The following NEDD4L variants were observed in gnomAD, a reference collection of about 807,000 sequenced individuals.
The protein encoded by NEDD4L is NEDD4 like E3 ubiquitin protein ligase.
A neutral mutation model predicts 148.9 loss-of-function variants in NEDD4L; 54 were observed. The observed-to-expected ratio is 0.36, with a 90% CI of 0.29 to 0.45. The LOEUF is 0.45. NEDD4L is among the 20% of genes least tolerant of loss of function. The pLI is 1.00. For synonymous variants in NEDD4L, 433 were observed against 440.7 expected (o/e 0.98, Z 0.22); for missense variants, 856 against 1,233.8 (o/e 0.69, Z 4.59).
chr18:58,368,592 A>G (rs2046412249), intron 22 of NEDD4L, among the ~76,000 whole-genome samples: 1 of 152,248 alleles, frequency 6.6e-6, no homozygotes, highest in Non-Finnish European at 1.5e-5. Flanking sequence ...TGAGATTGAC[A>G]TTGCAGTAAC....
intron 5 of NEDD4L, among the ~76,000 whole-genome samples, chr18:58,291,971 C>T (rs147827839): frequency 0.011 from 1,683 of 152,270 alleles, 25 homozygotes; most frequent in African/African-American, 0.039. Flanking sequence ...AAAGCACATT[C>T]GTATAAATTA....
intron 1 of NEDD4L, among the ~76,000 whole-genome samples, chr18:58,073,259 A>C (rs1480346983): frequency 6.6e-6 from 1 of 152,126 alleles, no homozygotes; most frequent in African/African-American, 2.4e-5. Context: ...TTTAAAAATC[A>C]CATGGAAATG....
intron 16 of NEDD4L, among the ~76,000 whole-genome samples, chr18:58,347,221 C>CCCCCCCCCCA (rs2043207718): frequency 7.4e-5 from 7 of 94,322 alleles, no homozygotes; most frequent in Non-Finnish European, 1.3e-4. Flanking sequence ...CCCGCCCCCC[C>CCCCCCCCCCA]CCCCCCTTTA....
chr18:58,323,101 T>A (rs1490220230), intron 7 of NEDD4L, 131 bp from the exon 8 acceptor site: 4 of 285,166 alleles, frequency 1.4e-5, no homozygotes, highest in Non-Finnish European at 1.3e-5. Flanking sequence ...GCCTGCCCTG[T>A]GTGCTGTGGG....
In NEDD4L at chr18:58,227,313, C is replaced by G. The variant is rs73454617; in HGVS notation, c.123-18114C>G. Among the ~76,000 whole-genome samples, 703 of 152,256 alleles carry G rather than the reference C, an allele frequency of 4.6e-3. 5 individuals carry two copies. The highest frequency in any genetic ancestry group is 0.015 in the African/African-American group (624 of 41,536). On this transcript the variant is annotated intron_variant, in intron 2 of 30. Coordinates refer to ENST00000400345, the MANE Select transcript of NEDD4L (RefSeq NM_001144967.3). ...TGAATGAAGAAATGGGAGAAAAAAGCAGACCCCGGAGACTTAGGAGGGTCT... is the reference window on the plus strand; with the variant it reads ...TGAATGAAGAAATGGGAGAAAAAAGGAGACCCCGGAGACTTAGGAGGGTCT...
chr18:58,336,531 C>G (rs12052001), intron 13 of NEDD4L, among the ~76,000 whole-genome samples: 1 of 151,246 alleles, frequency 6.6e-6, no homozygotes, highest in Non-Finnish European at 1.5e-5. Context: ...GAGCTGAGAT[C>G]GCACCACTGC....
intron 5 of NEDD4L, among the ~76,000 whole-genome samples, chr18:58,262,639 A>G: frequency 6.6e-6 from 1 of 152,040 alleles, no homozygotes. Flanking sequence ...AGGAAAAAAA[A>G]AAAAAAAAGG....
At chr18:58,313,141 C>T (rs898015453) in intron 5 of NEDD4L, among the ~76,000 whole-genome samples, 1 of 152,232 alleles carries the variant, frequency 6.6e-6, no homozygotes, top group Non-Finnish European at 1.5e-5. Flanking sequence ...TTCATTTTGA[C>T]CATGTGCATT....
At chr18:58,201,162 A>ATCTCTAC (rs1431580814) in intron 2 of NEDD4L, among the ~76,000 whole-genome samples, 1 of 152,108 alleles carries the variant, frequency 6.6e-6, no homozygotes, top group African/African-American at 2.4e-5. Flanking sequence ...GTGAAACCCC[A>ATCTCTAC]TCTCTACTAA....
chr18:58,244,101 G>C (rs1404618453), intron 2 of NEDD4L, among the ~76,000 whole-genome samples: 2 of 152,142 alleles, frequency 1.3e-5, no homozygotes, highest in Admixed American at 6.5e-5. Context: ...ATATCAAATA[G>C]AAATCAGTAC....
At chr18:58,372,862 A>G (rs1467815430) in intron 23 of NEDD4L, among the ~76,000 whole-genome samples, 1 of 151,938 alleles carries the variant, frequency 6.6e-6, no homozygotes, top group Non-Finnish European at 1.5e-5. Context: ...GAGAGAAAAG[A>G]AAGTATACTT....
chr18:58,250,979 G>T (rs2047854995), intron 4 of NEDD4L, among the ~76,000 whole-genome samples: 1 of 152,144 alleles, frequency 6.6e-6, no homozygotes, highest in Admixed American at 6.5e-5. Flanking sequence ...CAGTAGCTCT[G>T]TCATTGCCTC....
intron 1 of NEDD4L, among the ~76,000 whole-genome samples, chr18:58,115,245 C>CTTTTTTTTTTTTTTTTTTTTTTTCTTTT (rs60541981): frequency 7.7e-6 from 1 of 129,538 alleles, no homozygotes; most frequent in African/African-American, 2.9e-5. Context: ...TTCTTTCTTT[C>CTTTTTTTTTTTTTTTTTTTTTTTCTTTT]TTTTTTTTTT....
chr18:58,322,514 G>C, intron 7 of NEDD4L, 28 bp downstream of exon 7: 2 of 1,212,094 alleles, frequency 1.7e-6, no homozygotes, highest in African/African-American at 1.5e-5. Context: ...GGGTGGGTGG[G>C]GATGCCTGCC....
intron 11 of NEDD4L, among the ~76,000 whole-genome samples, chr18:58,331,796 A>G (rs959603982): frequency 6.6e-6 from 1 of 152,218 alleles, no homozygotes; most frequent in Non-Finnish European, 1.5e-5. Flanking sequence ...AAATGATAGC[A>G]CTGCATACAA....
At chr18:58,202,218 G>A (rs895663457) in intron 2 of NEDD4L, among the ~76,000 whole-genome samples, 1 of 152,206 alleles carries the variant, frequency 6.6e-6, no homozygotes, top group African/African-American at 2.4e-5. Context: ...GATCCCTTGT[G>A]TTTTACAGCT....
rs2050539825 is a variant in NEDD4L, at chr18:58,397,031, C to T, written c.*762C>T. The T allele has an allele frequency of 6.7e-6, 1 of 149,848 alleles. No individual in the cohort carries two copies. The highest frequency in any genetic ancestry group is 1.5e-5 in the Non-Finnish European group (1 of 68,040). 9.3% of individuals were successfully genotyped at this position (149,848 alleles called of 1,614,324 possible). ...AATTTTGTGTTGACTTGAAAGGAAT[C>T]ACACCATTATTCCTTAGAAGTAATT... On this transcript the variant is annotated 3_prime_UTR_variant, in exon 31 of 31. Coordinates refer to ENST00000400345, the MANE Select transcript of NEDD4L (RefSeq NM_001144967.3).
At chr18:58,346,736 A>T (rs1321619201) in intron 16 of NEDD4L, among the ~76,000 whole-genome samples, 1 of 152,250 alleles carries the variant, frequency 6.6e-6, no homozygotes, top group Non-Finnish European at 1.5e-5. Context: ...TACACATGAA[A>T]GAGTTCCCGT....
At chr18:58,066,417 GTC>G (rs2082600987) in intron 1 of NEDD4L, among the ~76,000 whole-genome samples, 3 of 77,322 alleles carry the variant, frequency 3.9e-5, no homozygotes, top group Admixed American at 1.9e-4. Context: ...TTTTAACGGA[GTC>G]TCTCTCTTTC....
Sources: gnomAD v4.1 joint callset for allele counts (sites outside exome capture counted in the v4.1 genomes callset) on GRCh38, gnomAD v4.1.1 for gene constraint, MANE v1.5 for transcripts, NCBI Gene and HGNC (gene_info 2026-07-23, HGNC 2026-07-21) for gene names.